The following PHYHIP variants were observed in gnomAD, a reference collection of about 807,000 sequenced individuals.
PHYHIP encodes the protein phytanoyl-CoA hydroxylase-interacting protein.
In PHYHIP, 7 loss-of-function variants were observed where a neutral mutation model predicts 26.1. The observed-to-expected ratio is 0.27, with a 90% CI of 0.15 to 0.50. The LOEUF is 0.50. PHYHIP is among the 20% of genes least tolerant of loss of function. The pLI is 0.98. For synonymous variants in PHYHIP, 206 were observed against 183.4 expected (o/e 1.12, Z -1.00); for missense variants, 232 against 454.7 (o/e 0.51, Z 4.45).
intron 3 of PHYHIP, among the ~76,000 whole-genome samples, chr8:22,226,119 C>T (rs964654719): frequency 1.3e-5 from 2 of 152,146 alleles, no homozygotes; most frequent in African/African-American, 4.8e-5. Context: ...TTTGCGGGGC[C>T]ATTGACCAGG....
chr8:22,231,003 C>T (rs1046594349), intron 1 of PHYHIP, among the ~76,000 whole-genome samples: 4 of 152,218 alleles, frequency 2.6e-5, no homozygotes, highest in Admixed American at 6.5e-5. Context: ...CAGCCCCCGC[C>T]CGAAGTCTGG....
Position 22,221,835 on chromosome 8 carries a change from G to C in PHYHIP, c.511C>G (p.His171Asp). 1 of 1,582,934 alleles carries C rather than the reference G, an allele frequency of 6.3e-7. No homozygotes were observed. Among genetic ancestry groups the C allele is most frequent in the Non-Finnish European group, 8.6e-7 (1 of 1,164,128 alleles). ...QPYLKDNSGS[H>D]GSPTSGMLHG... ...AGCATACCGCTGGTGGGGGAGCCGT[G>C]GCTGCCACTGTTGTCCTTCAGGTAA... Residue 171 changes from histidine to aspartate, a missense_variant, in exon 5 of 5, where the codon CAC becomes GAC. By Grantham distance (81) the His-to-Asp change is moderately conservative (BLOSUM62 -1). Transcript: ENST00000454243. The surrounding 1 kb of genome is among the most constrained non-coding windows in gnomAD (Gnocchi z 7.9).
intron 1 of PHYHIP, among the ~76,000 whole-genome samples, chr8:22,231,254 G>A (rs1829860395): frequency 6.6e-6 from 1 of 152,030 alleles, no homozygotes; most frequent in African/African-American, 2.4e-5. Flanking sequence ...AAAGGGACAT[G>A]GTTACCCCTA....
chr8:22,227,904 C>T (rs1490014968), intron 2 of PHYHIP, among the ~76,000 whole-genome samples: 2 of 152,248 alleles, frequency 1.3e-5, no homozygotes, highest in African/African-American at 2.4e-5. Flanking sequence ...TCAGTTGTGG[C>T]GCTGATAACA....
chr8:22,222,726 A>C (rs549123179), intron 4 of PHYHIP, among the ~76,000 whole-genome samples: 1 of 152,122 alleles, frequency 6.6e-6, no homozygotes, highest in East Asian at 1.9e-4. Context: ...AGTGCTCTCT[A>C]TCTCTCCCAC....
chr8:22,229,469 C>T (rs1829825540), intron 1 of PHYHIP, among the ~76,000 whole-genome samples: 1 of 152,168 alleles, frequency 6.6e-6, no homozygotes. Flanking sequence ...TATGAGAGGA[C>T]CTCATCACGG....
rs527926022 is a variant in PHYHIP, at chr8:22,227,028, G to A, written c.166-3C>T. 2 of 1,608,610 alleles carry A rather than the reference G, an allele frequency of 1.2e-6. No individual in the cohort carries two copies. Among genetic ancestry groups the A allele is most frequent in the African/African-American group, 1.3e-5 (1 of 74,976 alleles). On this transcript the variant is annotated splice_region_variant and splice_polypyrimidine_tract_variant and intron_variant, in intron 2 of 4. Transcript: ENST00000454243. ...GCCACGAGCTTGGTGGGGACGTCCT[G>A]AGAAACAGGGTACAAACAGAGAGCC...
rs965211132 is a variant in PHYHIP at position 22,221,132 on chromosome 8, G to A, written c.*221C>T. On this transcript the variant is annotated 3_prime_UTR_variant, in exon 5 of 5. Coordinates refer to ENST00000454243, the MANE Select transcript of PHYHIP (RefSeq NM_014759.5). The surrounding 1 kb of genome is among the most constrained non-coding windows in gnomAD (Gnocchi z 7.9). Reference sequence around the variant, plus strand: ...AAGTCCAGCCCAGCTGCCAACTACAGAGGCTGAGAAGCCTTTCCATGTCCA... The same window carrying A: ...AAGTCCAGCCCAGCTGCCAACTACAAAGGCTGAGAAGCCTTTCCATGTCCA... The A allele has an allele frequency of 4.2e-5, 21 of 498,270 alleles. No individual in the cohort carries two copies. The highest frequency in any genetic ancestry group is 6.7e-5 in the Non-Finnish European group (19 of 281,798). 30.9% of individuals were successfully genotyped at this position (498,270 alleles called of 1,614,324 possible).
chr8:22,228,581 G>A (rs924990512), intron 1 of PHYHIP, 195 bp from the exon 2 acceptor site: 20 of 496,900 alleles, frequency 4.0e-5, no homozygotes, highest in African/African-American at 2.9e-4. Context: ...CCTGCCCGGG[G>A]GGCTCTTTGC....
rs781336215 is a variant in PHYHIP, at chr8:22,227,818, G to A, written c.165+375C>T. On this transcript the variant is annotated intron_variant, in intron 2 of 4. Transcript: ENST00000454243. ...CTGTGCCCTGAGCCGGGGCTTTGTC[G>A]AGACTTGAGACGTCATCCCCATAGG... The A allele has an allele frequency of 7.9e-5, 34 of 427,894 alleles. No homozygotes were observed. The East Asian group carries it at 1.9e-3, about 23-fold the overall frequency. 26.5% of individuals were successfully genotyped at this position (427,894 alleles called of 1,614,324 possible).
chr8:22,228,495 C>T (rs1829797838), intron 1 of PHYHIP, 109 bp from the exon 2 acceptor site: 2 of 634,134 alleles, frequency 3.2e-6, no homozygotes, highest in African/African-American at 1.8e-5. Flanking sequence ...CCCTGGAATC[C>T]ACATGCCTCA....
rs987183924 is a variant in PHYHIP, at chr8:22,221,499, T to C, written c.847A>G (p.Ile283Val). 1.9e-6 allele frequency: 3 copies of C among 1,613,952 alleles called. No individual in the cohort carries two copies. The highest frequency in any genetic ancestry group is 2.5e-6 in the Non-Finnish European group (3 of 1,179,948). Residue 283 changes from isoleucine to valine, a missense_variant, in exon 5 of 5, where the codon ATC (isoleucine) becomes GTC (valine). By Grantham distance (29) the Ile-to-Val change is conservative (BLOSUM62 3). Transcript: ENST00000454243. This position sits in a 1 kb window ranked among gnomAD's most constrained non-coding sequence, Gnocchi z 7.9. Reference sequence around the variant, plus strand: ...GGCTCAGTGTAGATGATCTCCAGGATGAGGTCCTGGGCGTGGCGGAAGACC... The same window carrying C: ...GGCTCAGTGTAGATGATCTCCAGGACGAGGTCCTGGGCGTGGCGGAAGACC... ...ELVFRHAQDL[I>V]LEIIYTEPVD...
At chr8:22,227,837 C>G (rs1829782231) in intron 2 of PHYHIP, 1 of 408,976 alleles carries the variant, frequency 2.4e-6, no homozygotes, top group Non-Finnish European at 4.8e-6. Context: ...GACGTCATCC[C>G]CATAGGCGAA....
At chr8:22,224,759 T>C (rs1586489831) in intron 3 of PHYHIP, among the ~76,000 whole-genome samples, 2 of 152,182 alleles carry the variant, frequency 1.3e-5, no homozygotes, top group East Asian at 3.9e-4. Context: ...ATACAGTAGA[T>C]AGGAGGCTGC....
chr8:22,228,162 G>A lies in PHYHIP; in HGVS notation c.165+31C>T, dbSNP rs749535674. 31 of 1,600,822 alleles carry A rather than the reference G, an allele frequency of 1.9e-5. No homozygotes were observed. In the Admixed American group the frequency reaches 4.8e-4, roughly 25 times the overall value. Reference sequence around the variant, plus strand: ...CGGCCTCCTTCAGGAACAGAAGCTGGGGAGGGGCTCCCAGGACACCTTCTA... The same window carrying A: ...CGGCCTCCTTCAGGAACAGAAGCTGAGGAGGGGCTCCCAGGACACCTTCTA... On this transcript the variant is annotated intron_variant, in intron 2 of 4. Coordinates refer to ENST00000454243, the MANE Select transcript of PHYHIP (RefSeq NM_014759.5).
chr8:22,230,032 C>T (rs1016854304), intron 1 of PHYHIP, among the ~76,000 whole-genome samples: 2 of 152,148 alleles, frequency 1.3e-5, no homozygotes, highest in Admixed American at 6.5e-5. Flanking sequence ...ATAAGCATGG[C>T]GGTGCTACCA....
rs375807494 is a variant in PHYHIP at position 22,221,449 on chromosome 8, C to T, written c.897G>A (p.Leu299=). 3.7e-6 allele frequency: 6 copies of T among 1,614,154 alleles called. No homozygotes were observed. Among genetic ancestry groups the T allele is most frequent in the South Asian group, 1.1e-5 (1 of 91,080 alleles). ...TGAGCTGGTGCCCACTGATCTCCCCCAGGGTGCCCAGGGACAGGTCGACGG... is the reference window on the plus strand; with the variant it reads ...TGAGCTGGTGCCCACTGATCTCCCCTAGGGTGCCCAGGGACAGGTCGACGG... ...TEPVDLSLGT[L]GEISGHQLMS... The change falls in exon 5 of 5, where the codon CTG becomes CTA. Residue 299 remains leucine (L), a synonymous_variant. Transcript: ENST00000454243. The surrounding 1 kb of genome is among the most constrained non-coding windows in gnomAD (Gnocchi z 7.9).
At chr8:22,223,998 A>G (rs1829689923) in intron 4 of PHYHIP, 1 of 521,542 alleles carries the variant, frequency 1.9e-6, no homozygotes, top group East Asian at 3.3e-5. Flanking sequence ...CATTAGTACA[A>G]CACTCTTGCA....
At chr8:22,226,769 G>A in intron 3 of PHYHIP, 82 bp downstream of exon 3, 5 of 1,322,204 alleles carry the variant, frequency 3.8e-6, no homozygotes, top group Non-Finnish European at 5.2e-6. Flanking sequence ...GTGTTTGCTG[G>A]ACTACGAGGA....
Sources: gnomAD v4.1 joint callset for allele counts (sites outside exome capture counted in the v4.1 genomes callset) on GRCh38, gnomAD v4.1.1 for gene constraint, Gnocchi (gnomAD v3.1) non-coding constraint, MANE v1.5 for transcripts, NCBI Gene and HGNC (gene_info 2026-07-23, HGNC 2026-07-21) for gene names.